The following KANSL1L variants were observed in gnomAD, a reference collection of about 807,000 sequenced individuals.
The protein encoded by KANSL1L is KAT8 regulatory NSL complex subunit 1 like, also known as KAT8 regulatory NSL complex subunit 1-like protein.
KANSL1L carries 25 observed loss-of-function variants against 108.6 expected under a neutral mutation model. That is an observed-to-expected ratio of 0.23 (90% CI 0.17 to 0.32). The LOEUF (loss-of-function observed/expected upper bound fraction) is 0.32, where lower values mean the gene tolerates loss of function less well. KANSL1L is among the 10% of genes least tolerant of loss of function. KANSL1L has a pLI of 1.00. For missense variants in KANSL1L, 1,137 were observed against 1,125.7 expected (o/e 1.01, Z -0.14); for synonymous variants, 405 against 395.1 (o/e 1.03, Z -0.30).
intron 6 of KANSL1L, among the ~76,000 whole-genome samples, chr2:210,068,038 C>T (rs927994749): frequency 2.0e-4 from 30 of 152,010 alleles, no homozygotes; most frequent in Non-Finnish European, 2.8e-4. Flanking sequence ...CCACCACACC[C>T]GGCTAATTTT....
chr2:210,052,250 A>C (rs372604309), intron 6 of KANSL1L, among the ~76,000 whole-genome samples: 183 of 152,054 alleles, frequency 1.2e-3, no homozygotes, highest in African/African-American at 4.0e-3. Context: ...AGATCCTCCT[A>C]CTTCAGCCTC....
intron 5 of KANSL1L, among the ~76,000 whole-genome samples, chr2:210,076,737 G>T (rs2094545233): frequency 6.6e-6 from 1 of 151,436 alleles, no homozygotes; most frequent in African/African-American, 2.4e-5. Context: ...AACATCAGGA[G>T]GATGATAACC....
At chr2:210,162,222 G>GTATATATA (rs71043976) in intron 1 of KANSL1L, among the ~76,000 whole-genome samples, 8,816 of 107,316 alleles carry the variant, frequency 0.082, 632 homozygotes, top group South Asian at 0.1. Context: ...AGTGGTTCAG[G>GTATATATA]TATATATATA....
intron 3 of KANSL1L, among the ~76,000 whole-genome samples, chr2:210,111,322 T>C (rs763404670): frequency 6.6e-5 from 10 of 151,226 alleles, no homozygotes; most frequent in Non-Finnish European, 1.2e-4. Flanking sequence ...AAAGAAAAAA[T>C]TACTTATATA....
intron 6 of KANSL1L, among the ~76,000 whole-genome samples, chr2:210,067,062 G>A (rs181855570): frequency 2.1e-4 from 32 of 152,236 alleles, no homozygotes; most frequent in Non-Finnish European, 3.8e-4. Flanking sequence ...CTTAAGCTGG[G>A]ACATTCATCT....
intron 3 of KANSL1L, among the ~76,000 whole-genome samples, chr2:210,120,340 G>A (rs1041765574): frequency 4.6e-5 from 7 of 152,078 alleles, no homozygotes; most frequent in South Asian, 4.1e-4. Context: ...TGCAGTGAGC[G>A]GAGATCACGC....
chr2:210,031,690 C>G (rs755464523), intron 8 of KANSL1L, 144 bp from the exon 9 acceptor site: 31 of 502,962 alleles, frequency 6.2e-5, no homozygotes, highest in Non-Finnish European at 1.0e-4. Context: ...ACACACAACT[C>G]CAACTAAAAA....
intron 6 of KANSL1L, among the ~76,000 whole-genome samples, chr2:210,057,280 C>A (rs1247144940): frequency 6.6e-6 from 1 of 152,072 alleles, no homozygotes. Context: ...GACTTGCCTG[C>A]AATCCCAGCT....
intron 2 of KANSL1L, among the ~76,000 whole-genome samples, chr2:210,130,808 T>G (rs2125547923): frequency 6.7e-6 from 1 of 149,300 alleles, no homozygotes; most frequent in Non-Finnish European, 1.5e-5. Context: ...GTTTGGATTT[T>G]AAAACAAAGT....
intron 2 of KANSL1L, chr2:210,152,067 C>G (rs924376389): frequency 6.6e-6 from 1 of 152,058 alleles, no homozygotes; most frequent in African/African-American, 2.4e-5. Flanking sequence ...CAGATTATTT[C>G]ATCACCCAGG....
chr2:210,070,477 G>A (rs1333619505), intron 6 of KANSL1L, among the ~76,000 whole-genome samples: 2 of 149,714 alleles, frequency 1.3e-5, no homozygotes, highest in Admixed American at 6.6e-5. Context: ...TGATCCGCCC[G>A]CCTCGGCCTC....
chr2:210,040,563 CCA>C, intron 7 of KANSL1L, 36 bp from the exon 8 acceptor site: 8 of 957,546 alleles, frequency 8.4e-6, no homozygotes, highest in Non-Finnish European at 1.3e-5. Flanking sequence ...TTTTCAAATA[CCA>C]CTCTTTGTAA....
intron 6 of KANSL1L, among the ~76,000 whole-genome samples, chr2:210,066,213 A>G (rs2094466009): frequency 6.6e-6 from 1 of 152,178 alleles, no homozygotes; most frequent in Non-Finnish European, 1.5e-5. Flanking sequence ...GGAGGCACAG[A>G]GAGTGAAGGA....
At chr2:210,142,227 T>C (rs1209188886) in intron 2 of KANSL1L, among the ~76,000 whole-genome samples, 4 of 152,082 alleles carry the variant, frequency 2.6e-5, no homozygotes, top group Non-Finnish European at 5.9e-5. Context: ...TCATGATTCA[T>C]GTTAGATTCT....
At chr2:210,065,579 A>ATTTTTTTTTTTT (rs57999970) in intron 6 of KANSL1L, among the ~76,000 whole-genome samples, 1 of 64,906 alleles carries the variant, frequency 1.5e-5, no homozygotes, top group Non-Finnish European at 3.0e-5. Context: ...CCTGGACATG[A>ATTTTTTTTTTTT]TTTTTTTTTT....
chr2:210,024,402 G>T (rs1031766219), intron 13 of KANSL1L, among the ~76,000 whole-genome samples: 1 of 151,990 alleles, frequency 6.6e-6, no homozygotes, highest in Non-Finnish European at 1.5e-5. Flanking sequence ...ATATTTTACC[G>T]AATTATAACA....
At chr2:210,119,949 C>T (rs1479728046) in intron 3 of KANSL1L, among the ~76,000 whole-genome samples, 4 of 152,094 alleles carry the variant, frequency 2.6e-5, no homozygotes, top group Admixed American at 1.3e-4. Flanking sequence ...GCTATTGGAA[C>T]CAAAACAGCA....
chr2:210,109,873 T>C (rs2094887560), intron 3 of KANSL1L, among the ~76,000 whole-genome samples: 1 of 152,120 alleles, frequency 6.6e-6, no homozygotes, highest in African/African-American at 2.4e-5. Context: ...CTTGGCAATA[T>C]CAGTAAATGT....
intron 5 of KANSL1L, 39 bp from the exon 6 acceptor site, chr2:210,075,795 T>TAAAAC (rs773397309): frequency 3.4e-6 from 5 of 1,457,390 alleles, no homozygotes; most frequent in Middle Eastern, 1.9e-4. Flanking sequence ...GGGAAGGGAA[T>TAAAAC]AAAACAAAAC....
Sources: gnomAD v4.1 joint callset for allele counts (sites outside exome capture counted in the v4.1 genomes callset) on GRCh38, gnomAD v4.1.1 for gene constraint, MANE v1.5 for transcripts, NCBI Gene and HGNC (gene_info 2026-07-23, HGNC 2026-07-21) for gene names.